Variants in LAMB3 observed in about 807,000 individuals in gnomAD.
The protein encoded by LAMB3 is laminin subunit beta-3.
In LAMB3, 104 loss-of-function variants were observed where a neutral mutation model predicts 140.3. The observed-to-expected ratio is 0.74, with a 90% CI of 0.63 to 0.87. LAMB3 has a LOEUF of 0.87. Among genes scored for constraint, LAMB3 ranks in the 40% least tolerant of loss-of-function variants. The pLI is 0.00. For missense variants in LAMB3, 1,531 were observed against 1,575.2 expected, an observed-to-expected ratio of 0.97 and a Z score of 0.47; for synonymous variants, 592 against 602.9, an observed-to-expected ratio of 0.98 and a Z score of 0.26.
chr1:209,628,060 G>A lies in LAMB3; in HGVS notation c.1263C>T (p.Thr421=), dbSNP rs984538160. Residue 421 remains threonine, a synonymous_variant, in exon 11 of 23, where the codon ACC becomes ACT. Coordinates refer to ENST00000356082, the MANE Select transcript of LAMB3 (RefSeq NM_000228.3). ...DLCKPGFTGL[T]YANPQGCHRC... ...GGTGGCAGCCCTGCGGGTTGGCGTAGGTGAGTCCAGTGAAGCCCGGCTTGC... is the reference window on the plus strand; with the variant it reads ...GGTGGCAGCCCTGCGGGTTGGCGTAAGTGAGTCCAGTGAAGCCCGGCTTGC... 6.2e-7 allele frequency: 1 copy of A among 1,607,160 alleles called. No individual in the cohort carries two copies. The highest frequency in any genetic ancestry group is 8.5e-7 in the Non-Finnish European group (1 of 1,176,718).
intron 20 of LAMB3, 99 bp from the exon 21 acceptor site, chr1:209,617,685 C>T: frequency 7.0e-7 from 1 of 1,428,442 alleles, no homozygotes; most frequent in Non-Finnish European, 9.7e-7. Context: ...CAAAAACCCT[C>T]TCCAACCAGA....
chr1:209,645,035 A>G (rs1252783966), intron 3 of LAMB3, among the ~76,000 whole-genome samples: 1 of 152,008 alleles, frequency 6.6e-6, no homozygotes, highest in African/African-American at 2.4e-5. Flanking sequence ...CCCATTTCAC[A>G]TTTCTCCTCT....
chr1:209,628,313 T>C, intron 10 of LAMB3, 123 bp from the exon 11 acceptor site: 8 of 1,104,784 alleles, frequency 7.2e-6, no homozygotes, highest in South Asian at 1.3e-5. Context: ...TTCACAGCCT[T>C]AGTCAAGTTA....
chr1:209,636,069 C>T (rs1666884666), intron 5 of LAMB3, among the ~76,000 whole-genome samples: 1 of 152,218 alleles, frequency 6.6e-6, no homozygotes, highest in South Asian at 2.1e-4. Flanking sequence ...TTCTCCTGCT[C>T]ACGTCTGGCC....
intron 7 of LAMB3, 65 bp from the exon 8 acceptor site, chr1:209,632,841 G>A (rs772907222): frequency 2.7e-6 from 4 of 1,489,646 alleles, no homozygotes; most frequent in East Asian, 2.3e-5. Context: ...GGAAGTTAGA[G>A]GCACATAGAG....
chr1:209,627,397 G>C lies in LAMB3; in HGVS notation c.1471C>G (p.Pro491Ala). Reference protein sequence around the residue: ...CACDPHNSLSPQCNQFTGQCP... With the variant: ...CACDPHNSLSAQCNQFTGQCP... ...TCACTTCGTACCTGGTTGCACTGTG[G>C]GCTGAGGGAGTTGTGCGGGTCGCAG... is the stretch of plus-strand genomic sequence containing the variant. Residue 491 changes from proline to alanine, a missense_variant, in exon 12 of 23, where the codon CCA becomes GCA. Coordinates refer to ENST00000356082, the MANE Select transcript of LAMB3 (RefSeq NM_000228.3). 1 of 1,613,452 alleles carries C rather than the reference G, an allele frequency of 6.2e-7. No individual in the cohort carries two copies. The highest frequency in any genetic ancestry group is 8.5e-7 in the Non-Finnish European group (1 of 1,179,746).
intron 14 of LAMB3, among the ~76,000 whole-genome samples, chr1:209,624,880 GAGGAAGGAAGGAAGGAAGGA>G (rs397962425): frequency 1.6e-3 from 166 of 100,840 alleles, no homozygotes; most frequent in South Asian, 6.3e-3. Flanking sequence ...GAAAGAGAGA[GAGGAAGGAAGGAAGGAAGGA>G]AGGAAGGAAG....
At position 209,638,520 on chromosome 1, in the gene LAMB3, T is replaced by C. The variant is rs748828732; in HGVS notation, c.298+14A>G. ...GCTGTACAGTTTGAGTTCCCGTAGA[T>C]GGCAAATGCTCACCATTCTGTGACT... On this transcript the variant is annotated intron_variant, in intron 4 of 22. Transcript: ENST00000356082. 1.8e-5 allele frequency: 28 copies of C among 1,536,524 alleles called. No homozygotes were observed. In the East Asian group the frequency reaches 6.1e-4, roughly 33 times the overall value.
chr1:209,642,757 G>A (rs888631941), intron 3 of LAMB3, among the ~76,000 whole-genome samples: 13 of 152,186 alleles, frequency 8.5e-5, no homozygotes, highest in African/African-American at 2.7e-4. Context: ...GAGATTACAG[G>A]TGTGAGCCAC....
intron 13 of LAMB3, 80 bp from the exon 14 acceptor site, chr1:209,626,106 G>A (rs1666441586): frequency 6.8e-7 from 1 of 1,465,318 alleles, no homozygotes; most frequent in Admixed American, 2.0e-5. Context: ...TGAAGAGGAG[G>A]TCTGACCTGA....
rs760382818 is a variant in LAMB3, at chr1:209,630,535, C to T, written c.943+80G>A. 14 of 1,490,828 alleles carry T rather than the reference C, an allele frequency of 9.4e-6. No individual in the cohort carries two copies. In the African/African-American group the frequency reaches 1.9e-4, roughly 21 times the overall value. The allele number at this position is 1,490,828 out of a possible 1,614,324, so 92.3% of individuals were successfully genotyped here. On this transcript the variant is annotated intron_variant, in intron 9 of 22. Coordinates refer to ENST00000356082, the MANE Select transcript of LAMB3 (RefSeq NM_000228.3). ...TAAGAAAGACTGGATCCCCCTGCAT[C>T]CCAGGTGAGATCATCAAGGCCTAGA... is the stretch of plus-strand genomic sequence containing the variant.
At chr1:209,624,153 C>T (rs2076347) in intron 14 of LAMB3, among the ~76,000 whole-genome samples, 153 bp from the exon 15 acceptor site, 4,887 of 152,236 alleles carry the variant, frequency 0.032, 279 homozygotes, top group East Asian at 0.27. Flanking sequence ...AAGGGGGTTC[C>T]GCTGGACAGA....
chr1:209,648,689 A>C (rs928219463), intron 3 of LAMB3, among the ~76,000 whole-genome samples: 2 of 152,036 alleles, frequency 1.3e-5, no homozygotes, highest in South Asian at 4.1e-4. Context: ...TCAAGGGTAC[A>C]TCCCAACATA....
At position 209,622,752 on chromosome 1, in the gene LAMB3, G is replaced by A. The variant is rs971664235; in HGVS notation, c.2557-72C>T. On this transcript the variant is annotated intron_variant, in intron 17 of 22. Transcript: ENST00000356082. ...CCTCTCAGCAGCCCCACGATTCTGC[G>A]GATCATCCTCTATGCCAAGACCTAC... 22 of 1,587,760 alleles carry A rather than the reference G, an allele frequency of 1.4e-5. 1 individual carries two copies. The highest frequency in any genetic ancestry group is 1.7e-4 in the Middle Eastern group (1 of 6,016).
At chr1:209,635,809 C>T (rs1190834919) in intron 5 of LAMB3, among the ~76,000 whole-genome samples, 2 of 152,200 alleles carry the variant, frequency 1.3e-5, no homozygotes, top group Non-Finnish European at 2.9e-5. Flanking sequence ...TGCTAAAAAT[C>T]CTCCAATACT....
intron 10 of LAMB3, 28 bp downstream of exon 10, chr1:209,629,709 A>G: frequency 6.2e-7 from 1 of 1,607,172 alleles, no homozygotes; most frequent in Non-Finnish European, 8.5e-7. Context: ...GACAAATGAC[A>G]CTCTGGGACT....
At position 209,623,815 on chromosome 1, in the gene LAMB3, G is replaced by A. The variant is rs964167133; in HGVS notation, c.2137+25C>T. The A allele has an allele frequency of 5.6e-6, 9 of 1,614,032 alleles. No individual in the cohort carries two copies. Among genetic ancestry groups the A allele is most frequent in the Non-Finnish European group, 7.6e-6 (9 of 1,180,010 alleles). ...CACCACGGCAGTGCCCATGCCCGGG[G>A]TTATCCGGGTGCCCCTCTCCTCACC... On this transcript the variant is annotated intron_variant, in intron 15 of 22. Coordinates refer to ENST00000356082, the MANE Select transcript of LAMB3 (RefSeq NM_000228.3). The surrounding 1 kb of genome is among the most constrained non-coding windows in gnomAD (Gnocchi z 4.2).
intron 14 of LAMB3, among the ~76,000 whole-genome samples, chr1:209,624,789 A>G (rs924303301): frequency 6.6e-6 from 1 of 152,110 alleles, no homozygotes; most frequent in African/African-American, 2.4e-5. Flanking sequence ...CGCAAAGATT[A>G]TGTCATACTA....
intron 18 of LAMB3, 93 bp from the exon 19 acceptor site, chr1:209,618,752 C>G: frequency 8.4e-7 from 1 of 1,194,216 alleles, no homozygotes; most frequent in Non-Finnish European, 1.2e-6. Flanking sequence ...TGGAAGGCAC[C>G]CACAGTGGCC....
Sources: allele counts gnomAD v4.1 joint callset (sites outside exome capture counted in the v4.1 genomes callset), GRCh38; gene constraint gnomAD v4.1.1; non-coding constraint Gnocchi (gnomAD v3.1); transcripts MANE v1.5; gene names NCBI Gene and HGNC (gene_info 2026-07-23, HGNC 2026-07-21).